The following DDTL variants were observed in gnomAD, a reference collection of about 807,000 sequenced individuals.
DDTL encodes the protein D-dopachrome tautomerase like.
A neutral mutation model predicts 1.1 loss-of-function variants in DDTL; 1 was observed. The ratio of observed to expected loss-of-function variants is 0.91; its 90% CI spans 0.32 to 4.31. DDTL has a LOEUF of 4.31. Among genes scored for constraint, DDTL ranks in the 30% most tolerant of loss-of-function variants. The pLI, the probability that DDTL is intolerant of heterozygous loss-of-function variation, is 0.17. For synonymous variants in DDTL, 21 were observed against 16.6 expected, an observed-to-expected ratio of 1.26 and a Z score of -0.64; for missense variants, 54 against 48.9, an observed-to-expected ratio of 1.10 and a Z score of -0.31.
chr22:23,970,575 CTT>C (rs147732739), intron 2 of DDTL, among the ~76,000 whole-genome samples: 14,023 of 151,732 alleles, frequency 0.092, 621 homozygotes, highest in Non-Finnish European at 0.099. Flanking sequence ...AGTTGTGTGA[CTT>C]TGTTGGATGT....
In DDTL at chr22:23,972,099, G is replaced by T; in HGVS notation, c.*693G>T. 1.1e-6 allele frequency: 1 copy of T among 898,600 alleles called. No individual in the cohort carries two copies. The highest frequency in any genetic ancestry group is 1.3e-6 in the Non-Finnish European group (1 of 750,816). 55.7% of individuals were successfully genotyped at this position (898,600 alleles called of 1,614,324 possible). ...TTTCCAGTGAGGAAAACCAGAACTT[G>T]GGACAGCCTGGTTGGGGCGGGCGGG... On this transcript the variant is annotated 3_prime_UTR_variant, in exon 3 of 3. Transcript: ENST00000215770.
intron 2 of DDTL, among the ~76,000 whole-genome samples, chr22:23,971,040 A>T (rs2033891279): frequency 1.3e-5 from 2 of 152,252 alleles, no homozygotes; most frequent in Admixed American, 1.3e-4. Context: ...CAGTGGGGAA[A>T]AGGGGAGAGT....
intron 2 of DDTL, chr22:23,969,213 C>T (rs938525320): frequency 8.1e-6 from 8 of 985,530 alleles, no homozygotes; most frequent in Non-Finnish European, 8.4e-6. Flanking sequence ...ACTCCCCCGC[C>T]CTCAGCCAGG....
intron 2 of DDTL, chr22:23,969,245 C>G: frequency 2.0e-6 from 2 of 985,514 alleles, no homozygotes; most frequent in Non-Finnish European, 1.2e-6. Flanking sequence ...TGTGGCGCTC[C>G]TCACTGAAAA....
intron 2 of DDTL, among the ~76,000 whole-genome samples, chr22:23,970,493 A>C (rs978725609): frequency 2.0e-4 from 30 of 151,078 alleles, no homozygotes; most frequent in African/African-American, 7.1e-4. Context: ...GATGACTATG[A>C]ATGTCAGTGA....
In DDTL at chr22:23,971,428, G is replaced by T. The variant is rs368842654; in HGVS notation, c.*22G>T. On this transcript the variant is annotated 3_prime_UTR_variant, in exon 3 of 3. Coordinates refer to ENST00000215770, the MANE Select transcript of DDTL (RefSeq NM_001084393.2). ...ATGAGGATGAAGAAGAGGATTATGT[G>T]ATCACAGGAATGTTGCATGCGGGAT... 3.1e-6 allele frequency: 5 copies of T among 1,611,222 alleles called. No individual in the cohort carries two copies. Among genetic ancestry groups the T allele is most frequent in the South Asian group, 1.1e-5 (1 of 90,762 alleles).
At chr22:23,970,865 A>C (rs893355474) in intron 2 of DDTL, among the ~76,000 whole-genome samples, 2 of 152,176 alleles carry the variant, frequency 1.3e-5, no homozygotes, top group Non-Finnish European at 2.9e-5. Context: ...TGCTACTGCC[A>C]GGAAGGGGTG....
intron 2 of DDTL, among the ~76,000 whole-genome samples, chr22:23,970,848 A>G (rs2033887912): frequency 6.6e-6 from 1 of 152,070 alleles, no homozygotes; most frequent in African/African-American, 2.4e-5. Flanking sequence ...AAGGTTATGA[A>G]AAGTGGTGCT....
chr22:23,971,463 C>T lies in DDTL; in HGVS notation c.*57C>T, dbSNP rs74372366. The T allele has an allele frequency of 6.2e-7, 1 of 1,606,512 alleles. No individual in the cohort carries two copies. ...ATGTTGCATGCGGGATAATCCAAAG[C>T]TGGTTATCTCCAGGCCCTCACTCTG... On this transcript the variant is annotated 3_prime_UTR_variant, in exon 3 of 3. Coordinates refer to ENST00000215770, the MANE Select transcript of DDTL (RefSeq NM_001084393.2).
rs375597090 is a variant in DDTL at position 23,971,255 on chromosome 22, G to A, written c.285-31G>A. On this transcript the variant is annotated intron_variant, in intron 2 of 2. Coordinates refer to ENST00000215770, the MANE Select transcript of DDTL (RefSeq NM_001084393.2). ...CTCCAGGCTGAGTCTCCCAGCCCCAGATCTGAGCAGTCTAAATCATCCCCC... is the reference window on the plus strand; with the variant it reads ...CTCCAGGCTGAGTCTCCCAGCCCCAAATCTGAGCAGTCTAAATCATCCCCC... The A allele has an allele frequency of 4.6e-5, 73 of 1,592,154 alleles. No individual in the cohort carries two copies. In the African/African-American group the frequency reaches 9.2e-4, roughly 20 times the overall value.
In DDTL at chr22:23,972,327, A is replaced by G; in HGVS notation, c.*921A>G. 2 of 635,714 alleles carry G rather than the reference A, an allele frequency of 3.1e-6. No homozygotes were observed. Among genetic ancestry groups the G allele is most frequent in the Non-Finnish European group, 1.9e-6 (1 of 513,256 alleles). The allele number at this position is 635,714 out of a possible 1,614,324, so 39.4% of individuals were successfully genotyped here. On this transcript the variant is annotated 3_prime_UTR_variant, in exon 3 of 3. Coordinates refer to ENST00000215770, the MANE Select transcript of DDTL (RefSeq NM_001084393.2). Reference sequence around the variant, plus strand: ...GTTGTTAGAGTAACAGTTTTCCCTGAGTATCCGTGGGAGATTTGTTCTAGA... The same window carrying G: ...GTTGTTAGAGTAACAGTTTTCCCTGGGTATCCGTGGGAGATTTGTTCTAGA...
At chr22:23,970,840 G>A (rs533106904) in intron 2 of DDTL, among the ~76,000 whole-genome samples, 1 of 152,234 alleles carries the variant, frequency 6.6e-6, no homozygotes, top group South Asian at 2.1e-4. Context: ...GGGCTGGAAA[G>A]GTTATGAAAA....
intron 2 of DDTL, among the ~76,000 whole-genome samples, chr22:23,970,636 G>C (rs557705207): frequency 6.6e-6 from 1 of 152,148 alleles, no homozygotes; most frequent in Non-Finnish European, 1.5e-5. Context: ...TGAGTTAACT[G>C]TGTGTAAATG....
At chr22:23,970,657 A>G (rs187635838) in intron 2 of DDTL, among the ~76,000 whole-genome samples, 9 of 152,188 alleles carry the variant, frequency 5.9e-5, no homozygotes, top group African/African-American at 1.4e-4. Flanking sequence ...GTATGATTGT[A>G]TATGTGTGTG....
At position 23,971,885 on chromosome 22, in the gene DDTL, A is replaced by T. The variant is rs998876221; in HGVS notation, c.*479A>T. The T allele has an allele frequency of 2.2e-6, 1 of 448,050 alleles. No homozygotes were observed. Among genetic ancestry groups the T allele is most frequent in the Non-Finnish European group, 4.0e-6 (1 of 253,044 alleles). 27.8% of individuals were successfully genotyped at this position (448,050 alleles called of 1,614,324 possible). A position where few individuals can be genotyped will look rare whatever the true frequency, so the allele number is the denominator to read the frequency against. On this transcript the variant is annotated 3_prime_UTR_variant, in exon 3 of 3. Transcript: ENST00000215770. ...AGTAGCCTCGGTGTGTGTGCCGTACACTCTATCATCTCCATCAGTTTGTGT... is the reference window on the plus strand; with the variant it reads ...AGTAGCCTCGGTGTGTGTGCCGTACTCTCTATCATCTCCATCAGTTTGTGT...
At position 23,969,071 on chromosome 22, in the gene DDTL, TAC is replaced by T. The variant is rs1335506805; in HGVS notation, c.284+1513_284+1514del. ...TGTGCTAGGTCCTCTACAGGTACTT[TAC>T]ACTCATGATCCCATTTGATCCTTAC... On this transcript the variant is annotated intron_variant, in intron 2 of 2. Coordinates refer to ENST00000215770, the MANE Select transcript of DDTL (RefSeq NM_001084393.2). The T allele has an allele frequency of 1.4e-5, 7 of 517,292 alleles. 2 individuals are homozygous for T. The African/African-American group carries it at 3.0e-4, about 22-fold the overall frequency. The allele number at this position is 517,292 out of a possible 1,614,324, so 32.0% of individuals were successfully genotyped here. A position where few individuals can be genotyped will look rare whatever the true frequency, so the allele number is the denominator to read the frequency against.
Position 23,972,083 on chromosome 22 carries a change from A to G in DDTL, c.*677A>G. 1 of 792,716 alleles carries G rather than the reference A, an allele frequency of 1.3e-6. No homozygotes were observed. Among genetic ancestry groups the G allele is most frequent in the Non-Finnish European group, 1.5e-6 (1 of 654,184 alleles). 49.1% of individuals were successfully genotyped at this position (792,716 alleles called of 1,614,324 possible). On this transcript the variant is annotated 3_prime_UTR_variant, in exon 3 of 3. Coordinates refer to ENST00000215770, the MANE Select transcript of DDTL (RefSeq NM_001084393.2). ...CAGAGGTAACAGCAAGTTTCCAGTG[A>G]GGAAAACCAGAACTTGGGACAGCCT...
intron 2 of DDTL, among the ~76,000 whole-genome samples, chr22:23,970,553 T>G (rs2146208358): frequency 6.6e-6 from 1 of 151,366 alleles, no homozygotes; most frequent in South Asian, 2.1e-4. Context: ...TTGGTCTATA[T>G]GTGTGAATTT....
At position 23,971,360 on chromosome 22, in the gene DDTL, A is replaced by G. The variant is rs991572107; in HGVS notation, c.359A>G (p.Lys120Arg). 2 of 1,614,058 alleles carry G rather than the reference A, an allele frequency of 1.2e-6. No individual in the cohort carries two copies. Among genetic ancestry groups the G allele is most frequent in the Non-Finnish European group, 1.7e-6 (2 of 1,180,012 alleles). ...PRCPGEIIEGKKSCLNEEALF... is the reference protein window; with the variant it reads ...PRCPGEIIEGRKSCLNEEALF... Reference sequence around the variant, plus strand: ...TGCCCAGGAGAGATAATAGAAGGTAAGAAGTCATGTTTGAATGAGGAAGCT... The same window carrying G: ...TGCCCAGGAGAGATAATAGAAGGTAGGAAGTCATGTTTGAATGAGGAAGCT... Residue 120 changes from lysine to arginine, a missense_variant, in exon 3 of 3, where the codon AAG becomes AGG. Transcript: ENST00000215770.
Sources: allele counts gnomAD v4.1 joint callset (sites outside exome capture counted in the v4.1 genomes callset), GRCh38; gene constraint gnomAD v4.1.1; transcripts MANE v1.5; gene names NCBI Gene and HGNC (gene_info 2026-07-23, HGNC 2026-07-21).